Variants in SBF2 observed in about 807,000 individuals in gnomAD.
SBF2 encodes SET binding factor 2.
SBF2 carries 112 observed loss-of-function variants against 225.2 expected under a neutral mutation model. That is an observed-to-expected ratio of 0.50 (90% CI 0.43 to 0.58). The LOEUF is 0.58. SBF2 is among the 20% of genes least tolerant of loss of function. The pLI is 0.00. For synonymous variants in SBF2, 763 were observed against 773.3 expected (o/e 0.99, Z 0.22); for missense variants, 1,996 against 2,206.2 (o/e 0.90, Z 1.91).
At chr11:9,908,101 G>T (rs901535195) in intron 16 of SBF2, among the ~76,000 whole-genome samples, 1 of 152,040 alleles carries the variant, frequency 6.6e-6, no homozygotes, top group African/African-American at 2.4e-5. Flanking sequence ...ACCTTCTAGT[G>T]AATTATAAAT....
intron 2 of SBF2, among the ~76,000 whole-genome samples, chr11:10,071,110 A>G (rs955144094): frequency 6.6e-6 from 1 of 152,122 alleles, no homozygotes; most frequent in African/African-American, 2.4e-5. Context: ...CCACAAACAG[A>G]GACAATTTGA....
chr11:9,918,189 AACTT>A (rs36005943), intron 16 of SBF2, among the ~76,000 whole-genome samples: 75,555 of 150,820 alleles, frequency 0.5, 19,624 homozygotes, highest in African/African-American at 0.6. Flanking sequence ...CCCTCTTACT[AACTT>A]ACTACCTTTG....
intron 16 of SBF2, among the ~76,000 whole-genome samples, chr11:9,950,927 A>C (rs1022515810): frequency 6.6e-6 from 1 of 152,206 alleles, no homozygotes. Flanking sequence ...ACAAAATGGG[A>C]AATATACATG....
rs746749228 is a variant in SBF2 at position 10,000,943 on chromosome 11, A to T, written c.832T>A (p.Ser278Thr). 3 of 1,600,210 alleles carry T rather than the reference A, an allele frequency of 1.9e-6. No homozygotes were observed. The African/African-American group carries it at 4.0e-5, about 21-fold the overall frequency. Residue 278 changes from serine (S) to threonine (T), a missense_variant, in exon 8 of 40, where the codon TCT (serine) becomes ACT (threonine). Transcript: ENST00000256190. ...TCATGGACATCAGTTTTAAAGACAG[A>T]ATGTACTCCAATAATGAAAGGCGTT... ...SPTPFIIGVHSVFKTDVHELL... is the reference protein window; with the variant it reads ...SPTPFIIGVHTVFKTDVHELL...
At chr11:10,232,632 T>C (rs1958906305) in intron 1 of SBF2, among the ~76,000 whole-genome samples, 1 of 151,366 alleles carries the variant, frequency 6.6e-6, no homozygotes, top group African/African-American at 2.4e-5. Flanking sequence ...GGTGAGATCA[T>C]AGCTCACTGC....
At chr11:9,824,992 G>A (rs1360347929) in intron 28 of SBF2, among the ~76,000 whole-genome samples, 2 of 152,112 alleles carry the variant, frequency 1.3e-5, no homozygotes, top group East Asian at 1.9e-4. Context: ...TGAGAAGAAC[G>A]AAGCGTGTAT....
chr11:10,244,729 C>T (rs927331998), intron 1 of SBF2, among the ~76,000 whole-genome samples: 17 of 152,248 alleles, frequency 1.1e-4, no homozygotes, highest in African/African-American at 3.6e-4. Flanking sequence ...AAACAAAACA[C>T]AAAGGCAACC....
At chr11:10,035,366 C>G (rs10840345) in intron 3 of SBF2, among the ~76,000 whole-genome samples, 1 of 151,968 alleles carries the variant, frequency 6.6e-6, no homozygotes, top group African/African-American at 2.4e-5. Flanking sequence ...AAAGACTTCA[C>G]GTCTAAAACA....
intron 2 of SBF2, among the ~76,000 whole-genome samples, chr11:10,137,773 G>A (rs138572002): frequency 0.015 from 2,220 of 152,184 alleles, 58 homozygotes; most frequent in African/African-American, 0.051. Flanking sequence ...TTGGGAGGCC[G>A]AGGTGGGTGG....
At chr11:10,146,241 C>T (rs185769078) in intron 2 of SBF2, among the ~76,000 whole-genome samples, 174 of 151,920 alleles carry the variant, frequency 1.1e-3, no homozygotes, top group African/African-American at 4.1e-3. Flanking sequence ...CATATGGAAC[C>T]AAAAAAGGGC....
chr11:10,147,664 C>T (rs1954954430), intron 2 of SBF2, among the ~76,000 whole-genome samples: 1 of 152,030 alleles, frequency 6.6e-6, no homozygotes, highest in African/African-American at 2.4e-5. Flanking sequence ...AACAAACCCC[C>T]GTGACATAAA....
At chr11:9,933,400 T>C (rs1282762566) in intron 16 of SBF2, among the ~76,000 whole-genome samples, 4 of 152,120 alleles carry the variant, frequency 2.6e-5, no homozygotes, top group Admixed American at 2.6e-4. Flanking sequence ...ATTGACCACA[T>C]AATTGGAAGT....
intron 2 of SBF2, among the ~76,000 whole-genome samples, chr11:10,105,061 G>GTT (rs1252082596): frequency 6.6e-6 from 1 of 152,080 alleles, no homozygotes; most frequent in East Asian, 1.9e-4. Context: ...CCTGTAATGT[G>GTT]TTTGCCTGAT....
At chr11:10,279,062 C>T (rs554870720) in intron 1 of SBF2, among the ~76,000 whole-genome samples, 1 of 135,494 alleles carries the variant, frequency 7.4e-6, no homozygotes, top group South Asian at 2.4e-4. Context: ...CGCACTTCTG[C>T]AGGCATTCCA....
chr11:10,212,765 C>T (rs1278334274), intron 1 of SBF2, among the ~76,000 whole-genome samples: 1 of 152,186 alleles, frequency 6.6e-6, no homozygotes, highest in East Asian at 1.9e-4. Context: ...AGTTCTGTTA[C>T]TCGCGGCAGG....
At chr11:9,969,253 T>G (rs1475873337) in intron 13 of SBF2, among the ~76,000 whole-genome samples, 2 of 152,226 alleles carry the variant, frequency 1.3e-5, no homozygotes, top group Non-Finnish European at 2.9e-5. Flanking sequence ...CTTGGCCAGT[T>G]TCACAACACT....
intron 29 of SBF2, 161 bp from the exon 30 acceptor site, chr11:9,812,869 T>G (rs112254909): frequency 7.6e-4 from 548 of 717,718 alleles, no homozygotes; most frequent in African/African-American, 7.3e-3. Flanking sequence ...AATGTGTCAG[T>G]GTTGGTGGGA....
chr11:10,141,659 T>G (rs7123728), intron 2 of SBF2, among the ~76,000 whole-genome samples: 75,524 of 151,952 alleles, frequency 0.5, 19,104 homozygotes, highest in Non-Finnish European at 0.54. Context: ...TTTGTCATCA[T>G]ATAAATATTT....
At chr11:9,856,367 G>T in intron 19 of SBF2, 91 bp downstream of exon 19, 2 of 1,502,696 alleles carry the variant, frequency 1.3e-6, no homozygotes, top group Non-Finnish European at 1.9e-6. Flanking sequence ...ATGTACAGCA[G>T]TATTTGCTCA....
Sources: gnomAD v4.1 joint callset for allele counts (sites outside exome capture counted in the v4.1 genomes callset) on GRCh38, gnomAD v4.1.1 for gene constraint, MANE v1.5 for transcripts, NCBI Gene and HGNC (gene_info 2026-07-23, HGNC 2026-07-21) for gene names.